The following IMMP2L variants were observed in gnomAD, a reference collection of about 807,000 sequenced individuals.
IMMP2L encodes inner mitochondrial membrane peptidase subunit 2.
IMMP2L carries 18 observed loss-of-function variants against 19.3 expected under a neutral mutation model. The ratio of observed to expected loss-of-function variants is 0.93; its 90% CI spans 0.64 to 1.38. The LOEUF (loss-of-function observed/expected upper bound fraction) is 1.38. Among genes scored for constraint, IMMP2L ranks in the 40% most tolerant of loss-of-function variants. The probability of loss-of-function intolerance (pLI) is 0.00; values close to 1 mark genes in which losing one functional copy is unlikely to be tolerated. For missense variants in IMMP2L, 233 were observed against 218.2 expected, an observed-to-expected ratio of 1.07 and a Z score of -0.43; for synonymous variants, 76 against 73.0, an observed-to-expected ratio of 1.04 and a Z score of -0.21.
At chr7:111,036,900 G>T (rs1791410997) in intron 3 of IMMP2L, among the ~76,000 whole-genome samples, 1 of 152,040 alleles carries the variant, frequency 6.6e-6, no homozygotes, top group African/African-American at 2.4e-5. Flanking sequence ...CACCATGTGG[G>T]TTTTGCAATT....
chr7:110,732,668 A>G (rs533041802), intron 5 of IMMP2L, among the ~76,000 whole-genome samples: 5 of 152,186 alleles, frequency 3.3e-5, no homozygotes, highest in Non-Finnish European at 5.9e-5. Context: ...AATGTCTTCA[A>G]TTTTTCTGAT....
At chr7:110,934,550 T>A (rs1022288640) in intron 4 of IMMP2L, among the ~76,000 whole-genome samples, 2 of 152,068 alleles carry the variant, frequency 1.3e-5, no homozygotes, top group African/African-American at 4.8e-5. Flanking sequence ...AAAGTATAGG[T>A]TTTCCCTCTT....
chr7:111,019,600 T>A (rs1480962119), intron 3 of IMMP2L, among the ~76,000 whole-genome samples: 6 of 152,224 alleles, frequency 3.9e-5, no homozygotes, highest in African/African-American at 1.4e-4. Context: ...CAAGGTCTTC[T>A]GTCTTCCTTT....
At chr7:111,144,791 G>C (rs993027304) in intron 3 of IMMP2L, among the ~76,000 whole-genome samples, 3 of 152,134 alleles carry the variant, frequency 2.0e-5, no homozygotes, top group Non-Finnish European at 4.4e-5. Context: ...CCAGTACTGA[G>C]TAAACAATGT....
intron 3 of IMMP2L, among the ~76,000 whole-genome samples, chr7:111,111,996 G>A (rs1358977081): frequency 7.9e-6 from 1 of 125,936 alleles, no homozygotes; most frequent in African/African-American, 3.0e-5. Flanking sequence ...CTCCCAGGCT[G>A]GAGTGCAGTG....
At chr7:110,957,574 G>A (rs751886904) in intron 4 of IMMP2L, among the ~76,000 whole-genome samples, 1 of 151,834 alleles carries the variant, frequency 6.6e-6, no homozygotes, top group Non-Finnish European at 1.5e-5. Context: ...TGAATCCAAA[G>A]TCCTTTCTAG....
chr7:110,815,796 T>C (rs1802450980), intron 5 of IMMP2L, among the ~76,000 whole-genome samples: 1 of 152,198 alleles, frequency 6.6e-6, no homozygotes, highest in Non-Finnish European at 1.5e-5. Flanking sequence ...CGTATTTCTG[T>C]GGGATCGGTG....
chr7:111,372,257 C>T (rs576436257), intron 3 of IMMP2L, among the ~76,000 whole-genome samples: 2 of 151,910 alleles, frequency 1.3e-5, no homozygotes, highest in South Asian at 4.2e-4. Context: ...AATATATACA[C>T]TTACTATATA....
At position 111,197,376 on chromosome 7, in the gene IMMP2L, C is replaced by T. The variant is rs577063887; in HGVS notation, c.240-233811G>A. Among the ~76,000 whole-genome samples, 17 of 152,014 alleles carry T rather than the reference C, an allele frequency of 1.1e-4. No individual in the cohort carries two copies. In the South Asian group the frequency reaches 2.5e-3, roughly 22 times the overall value. ...TACTCGGGAGGCTGAGGCAGGAGAA[C>T]GGCGTGAACCCAGGAGGCGGAGCTT... On this transcript the variant is annotated intron_variant, in intron 3 of 5. Coordinates refer to ENST00000405709, the MANE Select transcript of IMMP2L (RefSeq NM_032549.4).
chr7:111,531,111 C>G (rs974415712), intron 1 of IMMP2L, among the ~76,000 whole-genome samples: 4 of 151,826 alleles, frequency 2.6e-5, no homozygotes, highest in Admixed American at 2.6e-4. Context: ...ACCACCACGC[C>G]CGGCTAATTT....
At chr7:111,407,059 T>C (rs570708952) in intron 3 of IMMP2L, among the ~76,000 whole-genome samples, 88 of 152,146 alleles carry the variant, frequency 5.8e-4, no homozygotes, top group Non-Finnish European at 8.5e-4. Flanking sequence ...GTAAGACACA[T>C]AAATATGTGT....
At chr7:110,943,265 TC>T (rs1327350635) in intron 4 of IMMP2L, among the ~76,000 whole-genome samples, 1 of 151,970 alleles carries the variant, frequency 6.6e-6, no homozygotes, top group Non-Finnish European at 1.5e-5. Context: ...AGCCTCACAT[TC>T]CCTACTGTGG....
At chr7:111,114,825 T>C (rs1276202903) in intron 3 of IMMP2L, among the ~76,000 whole-genome samples, 1 of 151,876 alleles carries the variant, frequency 6.6e-6, no homozygotes, top group Admixed American at 6.6e-5. Context: ...AAAAATTATA[T>C]AATAATAGAA....
At chr7:110,779,151 A>C (rs1799580214) in intron 5 of IMMP2L, among the ~76,000 whole-genome samples, 1 of 151,950 alleles carries the variant, frequency 6.6e-6, no homozygotes, top group African/African-American at 2.4e-5. Context: ...GTCAATACAA[A>C]CCAGTCCCAG....
At chr7:110,818,743 A>T (rs1420295635) in intron 5 of IMMP2L, among the ~76,000 whole-genome samples, 1 of 152,060 alleles carries the variant, frequency 6.6e-6, no homozygotes, top group Non-Finnish European at 1.5e-5. Flanking sequence ...GGATTAAGAA[A>T]ATGTGGCACA....
chr7:110,868,502 A>T (rs1808226400), intron 5 of IMMP2L, among the ~76,000 whole-genome samples: 1 of 152,050 alleles, frequency 6.6e-6, no homozygotes, highest in Non-Finnish European at 1.5e-5. Context: ...ATCATAGCAA[A>T]TTTATCACAT....
intron 1 of IMMP2L, among the ~76,000 whole-genome samples, chr7:111,537,293 T>C (rs2132884688): frequency 6.6e-6 from 1 of 152,252 alleles, no homozygotes; most frequent in South Asian, 2.1e-4. Flanking sequence ...CACAGCATTT[T>C]ATACTCTCTG....
chr7:110,897,718 G>A (rs1450403639), intron 4 of IMMP2L, among the ~76,000 whole-genome samples: 1 of 151,906 alleles, frequency 6.6e-6, no homozygotes, highest in East Asian at 1.9e-4. Flanking sequence ...AATAAATGAT[G>A]GTATGTCCAT....
intron 3 of IMMP2L, among the ~76,000 whole-genome samples, chr7:111,475,862 T>C (rs1442908916): frequency 6.6e-6 from 1 of 152,160 alleles, no homozygotes; most frequent in East Asian, 1.9e-4. Flanking sequence ...ATTTGATGTC[T>C]TTCACCAATA....
Sources: gnomAD v4.1 joint callset for allele counts (sites outside exome capture counted in the v4.1 genomes callset) on GRCh38, gnomAD v4.1.1 for gene constraint, MANE v1.5 for transcripts, NCBI Gene and HGNC (gene_info 2026-07-23, HGNC 2026-07-21) for gene names.